Variants in MKRN2 observed in about 807,000 individuals in gnomAD.
MKRN2 encodes the protein E3 ubiquitin-protein ligase makorin-2.
Under a neutral mutation model 45.4 loss-of-function variants are expected in MKRN2, and 32 were observed. The observed-to-expected ratio is 0.70, with a 90% CI of 0.53 to 0.95. The LOEUF (loss-of-function observed/expected upper bound fraction) is 0.95. MKRN2 is among the 40% of genes least tolerant of loss of function. MKRN2 has a pLI of 0.00. For missense variants in MKRN2, 526 were observed against 536.7 expected (o/e 0.98, Z 0.20); for synonymous variants, 206 against 192.4 (o/e 1.07, Z -0.59).
chr3:12,571,949 A>G (rs2058102071), intron 3 of MKRN2, 120 bp from the exon 4 acceptor site: 8 of 945,672 alleles, frequency 8.5e-6, no homozygotes, highest in Non-Finnish European at 1.2e-5. Context: ...TTTTTTTGCC[A>G]TATGTTCTCA....
At chr3:12,576,293 C>G (rs1426280172) in intron 5 of MKRN2, among the ~76,000 whole-genome samples, 2 of 150,624 alleles carry the variant, frequency 1.3e-5, no homozygotes, top group Admixed American at 1.3e-4. Context: ...ACATGGGTAT[C>G]CATGTGCCAC....
Position 12,574,911 on chromosome 3 carries a change from G to C in MKRN2, c.762G>C (p.Arg254Ser). The C allele has an allele frequency of 6.2e-7, 1 of 1,614,232 alleles. No homozygotes were observed. Among genetic ancestry groups the C allele is most frequent in the Non-Finnish European group, 8.5e-7 (1 of 1,180,024 alleles). The change falls in exon 5 of 8, where the codon AGG becomes AGC. Residue 254 changes from arginine to serine, a missense_variant. Physicochemically the swap from Arg to Ser is moderately radical, Grantham distance 110. Coordinates refer to ENST00000170447, the MANE Select transcript of MKRN2 (RefSeq NM_014160.5). Reference protein sequence around the residue: ...VILEKASASERRFGILSNCNH... With the variant: ...VILEKASASESRFGILSNCNH... ...TGGAGAAGGCCTCTGCTTCTGAGAG[G>C]AGATTTGGGATTCTCTCCAATTGCA...
intron 5 of MKRN2, among the ~76,000 whole-genome samples, chr3:12,575,521 G>T (rs1575521816): frequency 6.6e-6 from 1 of 152,174 alleles, no homozygotes; most frequent in Non-Finnish European, 1.5e-5. Flanking sequence ...GCTGGCATGT[G>T]GAGAGGTTAC....
intron 6 of MKRN2, among the ~76,000 whole-genome samples, chr3:12,577,832 C>G (rs545476928): frequency 6.6e-6 from 1 of 152,240 alleles, no homozygotes; most frequent in African/African-American, 2.4e-5. Context: ...TGCACCACTG[C>G]ACCTGGCCAA....
intron 6 of MKRN2, 192 bp downstream of exon 6, chr3:12,576,933 G>GTTTTTGT (rs56380121): frequency 2.7e-3 from 151 of 55,986 alleles, no homozygotes; most frequent in Non-Finnish European, 3.7e-3. Flanking sequence ...TAGTTTTGGT[G>GTTTTTGT]TTTTTTTTTT....
chr3:12,581,341 C>T (rs1297399082), intron 6 of MKRN2, among the ~76,000 whole-genome samples: 1 of 152,182 alleles, frequency 6.6e-6, no homozygotes, highest in Non-Finnish European at 1.5e-5. Flanking sequence ...CCTCTGCTTT[C>T]CCTGTAGCCA....
At chr3:12,572,045 A>C in intron 3 of MKRN2, 24 bp from the exon 4 acceptor site, 1 of 1,562,246 alleles carries the variant, frequency 6.4e-7, no homozygotes, top group Non-Finnish European at 8.7e-7. Flanking sequence ...TTTCATGTGC[A>C]TGTGTGCTGT....
Position 12,572,593 on chromosome 3 carries a change from AT to A in MKRN2, c.642+232del, listed in dbSNP as rs35732444. ...TTCTTTTTCCTGCAGTCATTTTGCC[AT>A]TTTTTTTTTTTAATGGAGTCTCCCT... On this transcript the variant is annotated intron_variant, in intron 4 of 7. Coordinates refer to ENST00000170447, the MANE Select transcript of MKRN2 (RefSeq NM_014160.5). Among the ~76,000 whole-genome samples the A allele has an allele frequency of 9.2e-4, 134 of 145,064 alleles. 1 individual carries two copies. Among genetic ancestry groups the A allele is most frequent in the East Asian group, 6.8e-3 (33 of 4,878 alleles).
chr3:12,569,294 A>C (rs941309442), intron 2 of MKRN2, among the ~76,000 whole-genome samples: 3 of 149,512 alleles, frequency 2.0e-5, no homozygotes, highest in African/African-American at 7.4e-5. Flanking sequence ...CTGAGATTAC[A>C]GGCATCTGCC....
At chr3:12,563,744 T>A in intron 1 of MKRN2, among the ~76,000 whole-genome samples, 1 of 139,570 alleles carries the variant, frequency 7.2e-6, no homozygotes. Context: ...TGCCTCGGCC[T>A]CCCAAAGTGC....
At chr3:12,576,189 A>G (rs113757392) in intron 5 of MKRN2, among the ~76,000 whole-genome samples, 1,808 of 143,322 alleles carry the variant, frequency 0.013, 27 homozygotes, top group African/African-American at 0.041. Context: ...GAAACCATAT[A>G]TGTGTGTGTG....
At chr3:12,559,365 A>G (rs981045114) in intron 1 of MKRN2, among the ~76,000 whole-genome samples, 2 of 152,154 alleles carry the variant, frequency 1.3e-5, no homozygotes, top group Non-Finnish European at 1.5e-5. Flanking sequence ...ATTTATAGGA[A>G]ATGTTCAAGG....
At chr3:12,562,059 C>T (rs1025175045) in intron 1 of MKRN2, among the ~76,000 whole-genome samples, 1 of 152,044 alleles carries the variant, frequency 6.6e-6, no homozygotes, top group African/African-American at 2.4e-5. Context: ...CTGGAGGAGC[C>T]TGGGTGCAGG....
At position 12,578,312 on chromosome 3, in the gene MKRN2, CTTTTTTTT is replaced by C. The variant is rs71063833; in HGVS notation, c.968+1589_968+1596del. Among the ~76,000 whole-genome samples the C allele has an allele frequency of 5.6e-5, 4 of 71,754 alleles. 2 individuals are homozygous for C. The highest frequency in any genetic ancestry group is 2.3e-4 in the African/African-American group (4 of 17,546). The allele number at this position is 71,754 out of a possible 152,430, so 47.1% of individuals were successfully genotyped here. On this transcript the variant is annotated intron_variant, in intron 6 of 7. Transcript: ENST00000170447. ...GCCTGCTCCAGGATAAGAGCTACTT[CTTTTTTTT>C]TTTTTTTTTTTTTTTTTGGAGATGG...
At position 12,570,235 on chromosome 3, in the gene MKRN2, T is replaced by G. The variant is rs757599810; in HGVS notation, c.320T>G (p.Leu107Trp). ...HEPGKREKRT[L>W]VLRDRNLSGM... is the part of the protein sequence containing the mutation. ...CCCGGAAAGCGTGAAAAGAGAACATTGGTTCTTAGAGACCGAAGTGAGTAA... is the reference window on the plus strand; with the variant it reads ...CCCGGAAAGCGTGAAAAGAGAACATGGGTTCTTAGAGACCGAAGTGAGTAA... The change falls in exon 3 of 8, where the codon TTG becomes TGG. Residue 107 changes from leucine to tryptophan, a missense_variant. Leu to Trp is a moderately conservative substitution (Grantham distance 61). Transcript: ENST00000170447. 24 of 1,613,934 alleles carry G rather than the reference T, an allele frequency of 1.5e-5. No individual in the cohort carries two copies. In the South Asian group the frequency reaches 2.1e-4, roughly 14 times the overall value.
rs1490197663 is a variant in MKRN2, at chr3:12,575,124, CT to C, written c.857+119del. 5.5e-6 allele frequency: 5 copies of C among 912,970 alleles called. No homozygotes were observed. The African/African-American group carries it at 6.7e-5, about 12-fold the overall frequency. 56.6% of individuals were successfully genotyped at this position (912,970 alleles called of 1,614,324 possible). ...AAGAGTAACTGGTGAGTTCTGGCCC[CT>C]GGCTGCATGAACTTCAGCAAGTCAT... On this transcript the variant is annotated intron_variant, in intron 5 of 7. Coordinates refer to ENST00000170447, the MANE Select transcript of MKRN2 (RefSeq NM_014160.5).
chr3:12,563,705 G>A lies in MKRN2; in HGVS notation c.27-5170G>A, dbSNP rs866933682. Among the ~76,000 whole-genome samples the A allele has an allele frequency of 6.3e-3, 404 of 64,448 alleles. 7 individuals carry two copies. The highest frequency in any genetic ancestry group is 0.027 in the African/African-American group (384 of 14,452). The allele number at this position is 64,448 out of a possible 152,430, so 42.3% of individuals were successfully genotyped here. The stretch of plus-strand genomic sequence containing the variant: ...GGGTTTCACCATGTTGGCCAGGCTG[G>A]TCTTGAACTCCTGACCTCATGATCC... On this transcript the variant is annotated intron_variant, in intron 1 of 7. Coordinates refer to ENST00000170447, the MANE Select transcript of MKRN2 (RefSeq NM_014160.5).
At chr3:12,560,720 T>C (rs2125299480) in intron 1 of MKRN2, 1 of 152,322 alleles carries the variant, frequency 6.6e-6, no homozygotes, top group Non-Finnish European at 1.5e-5. Flanking sequence ...TTACCCAGGG[T>C]AACACCCCTT....
rs2058187186 is a variant in MKRN2 at position 12,582,217 on chromosome 3, C to T, written c.1215C>T (p.Phe405=). The T allele has an allele frequency of 6.2e-7, 1 of 1,614,138 alleles. No individual in the cohort carries two copies. Among genetic ancestry groups the T allele is most frequent in the Admixed American group, 1.7e-5 (1 of 60,030 alleles). Residue 405 remains phenylalanine (F), a synonymous_variant, in exon 8 of 8, where the codon TTC becomes TTT. Coordinates refer to ENST00000170447, the MANE Select transcript of MKRN2 (RefSeq NM_014160.5). ...DVDMTELGDL[F]MHLSGVESSE... ...ACATGACAGAGCTCGGGGACCTCTT[C>T]ATGCACCTTTCTGGAGTGGAATCAT...
Sources: allele counts gnomAD v4.1 joint callset (sites outside exome capture counted in the v4.1 genomes callset), GRCh38; gene constraint gnomAD v4.1.1; transcripts MANE v1.5; gene names NCBI Gene and HGNC (gene_info 2026-07-23, HGNC 2026-07-21).